Variants in GALNT13 observed in about 807,000 individuals in gnomAD.
GALNT13 encodes the protein UDP-GalNAc:polypeptide N-acetylgalactosaminyltransferase 13.
Under a neutral mutation model 64.2 loss-of-function variants are expected in GALNT13, and 28 were observed. The observed-to-expected ratio is 0.44, with a 90% confidence interval of 0.32 to 0.60. GALNT13 has a LOEUF of 0.60. GALNT13 is among the 20% of genes least tolerant of loss of function. The probability of loss-of-function intolerance (pLI) is 0.05; values close to 1 mark genes in which losing one functional copy is unlikely to be tolerated. For missense variants in GALNT13, 577 were observed against 669.8 expected (o/e 0.86, Z 1.53); for synonymous variants, 214 against 224.6 (o/e 0.95, Z 0.42).
chr2:153,888,127 T>C (rs1439244736), intron 1 of GALNT13, among the ~76,000 whole-genome samples: 1 of 152,002 alleles, frequency 6.6e-6, no homozygotes, highest in African/African-American at 2.4e-5. Context: ...AGCACTGGTA[T>C]TTTGTCATTT....
At chr2:154,355,354 C>T (rs916595103) in intron 9 of GALNT13, among the ~76,000 whole-genome samples, 19 of 152,038 alleles carry the variant, frequency 1.2e-4, no homozygotes, top group Non-Finnish European at 2.6e-4. Context: ...TATCTTTGAC[C>T]TACAAAAACA....
At chr2:153,180,021 C>G in the GALNT13 span, among the ~76,000 whole-genome samples, 2 of 152,024 alleles carry the variant, frequency 1.3e-5, no homozygotes, top group Admixed American at 1.3e-4. Flanking sequence ...CCTTTTATTT[C>G]TTTCTATTGC....
the GALNT13 span, among the ~76,000 whole-genome samples, chr2:153,468,530 C>A: frequency 6.6e-6 from 1 of 152,048 alleles, no homozygotes; most frequent in Admixed American, 6.6e-5. Flanking sequence ...TCATCACATT[C>A]TCCTTTGAAA....
At chr2:153,333,147 T>C in the GALNT13 span, among the ~76,000 whole-genome samples, 1 of 152,238 alleles carries the variant, frequency 6.6e-6, no homozygotes, top group Non-Finnish European at 1.5e-5. Flanking sequence ...AATGGCCGAC[T>C]GTATGCACCT....
At chr2:153,112,342 C>A in the GALNT13 span, among the ~76,000 whole-genome samples, 3 of 152,012 alleles carry the variant, frequency 2.0e-5, no homozygotes, top group Non-Finnish European at 4.4e-5. Flanking sequence ...GAGTGGGAGC[C>A]CTGTCTTGTC....
the GALNT13 span, among the ~76,000 whole-genome samples, chr2:153,169,165 C>A: frequency 6.6e-6 from 1 of 152,192 alleles, no homozygotes; most frequent in Non-Finnish European, 1.5e-5. Context: ...TTGTCACTGG[C>A]AGCCCTGCCT....
At chr2:154,449,367 T>C (rs900949753) in intron 12 of GALNT13, among the ~76,000 whole-genome samples, 2 of 150,654 alleles carry the variant, frequency 1.3e-5, no homozygotes, top group Non-Finnish European at 3.0e-5. Flanking sequence ...TCCTCTACCA[T>C]TTTTATGGCC....
the GALNT13 span, among the ~76,000 whole-genome samples, chr2:153,752,515 C>A: frequency 6.6e-6 from 1 of 152,018 alleles, no homozygotes; most frequent in Non-Finnish European, 1.5e-5. Flanking sequence ...ATATACAATT[C>A]TAGGGTAAAA....
chr2:153,842,623 C>T, the GALNT13 span, among the ~76,000 whole-genome samples: 63,032 of 151,634 alleles, frequency 0.42, 14,060 homozygotes, highest in Admixed American at 0.57. Flanking sequence ...TTAAACTATC[C>T]AGAACCTCAG....
At chr2:154,080,959 A>G (rs1701241722) in intron 3 of GALNT13, among the ~76,000 whole-genome samples, 1 of 151,542 alleles carries the variant, frequency 6.6e-6, no homozygotes, top group African/African-American at 2.4e-5. Flanking sequence ...TGTGTTTTTC[A>G]TGGCCTGTAG....
the GALNT13 span, among the ~76,000 whole-genome samples, chr2:153,789,595 A>T: frequency 6.6e-6 from 1 of 152,180 alleles, no homozygotes; most frequent in African/African-American, 2.4e-5. Flanking sequence ...CCCAAATCAG[A>T]GTTGAACTGA....
chr2:154,238,238 C>T (rs969859017), intron 4 of GALNT13, among the ~76,000 whole-genome samples: 1 of 151,952 alleles, frequency 6.6e-6, no homozygotes, highest in East Asian at 1.9e-4. Context: ...ATGTTTGTCC[C>T]TCATATGATA....
chr2:153,250,538 C>A, the GALNT13 span, among the ~76,000 whole-genome samples: 1 of 152,130 alleles, frequency 6.6e-6, no homozygotes, highest in Admixed American at 6.5e-5. Flanking sequence ...TGGGTATATA[C>A]CCATAGGATT....
intron 9 of GALNT13, among the ~76,000 whole-genome samples, chr2:154,308,164 T>C (rs1693843011): frequency 6.6e-6 from 1 of 151,936 alleles, no homozygotes; most frequent in African/African-American, 2.4e-5. Context: ...CTTGGAAAAA[T>C]ACATTATTTT....
chr2:154,239,403 T>G (rs1288096024), intron 4 of GALNT13, among the ~76,000 whole-genome samples: 1 of 152,146 alleles, frequency 6.6e-6, no homozygotes, highest in East Asian at 1.9e-4. Context: ...AGCCTGTTTT[T>G]CTAGTTGTAC....
the GALNT13 span, among the ~76,000 whole-genome samples, chr2:153,549,966 C>G: frequency 6.6e-6 from 1 of 152,136 alleles, no homozygotes; most frequent in African/African-American, 2.4e-5. Flanking sequence ...TTAATAAAAG[C>G]CTGACCTCTA....
chr2:153,810,926 A>C, the GALNT13 span, among the ~76,000 whole-genome samples: 3 of 152,158 alleles, frequency 2.0e-5, no homozygotes, highest in African/African-American at 7.2e-5. Flanking sequence ...GTGAGGTAAA[A>C]TAAAAAAGAA....
chr2:154,074,948 T>C (rs1196863609), intron 3 of GALNT13, among the ~76,000 whole-genome samples: 1 of 151,916 alleles, frequency 6.6e-6, no homozygotes, highest in Non-Finnish European at 1.5e-5. Context: ...AACATCATAC[T>C]GAATGGGCAA....
chr2:153,999,941 A>G (rs901134874), intron 3 of GALNT13, among the ~76,000 whole-genome samples: 10 of 151,960 alleles, frequency 6.6e-5, no homozygotes, highest in Admixed American at 2.0e-4. Flanking sequence ...TGAAGCCATT[A>G]GGTCCTGGGC....
Sources: gnomAD v4.1 joint callset for allele counts (sites outside exome capture counted in the v4.1 genomes callset) on GRCh38, gnomAD v4.1.1 for gene constraint, MANE v1.5 for transcripts, NCBI Gene and HGNC (gene_info 2026-07-23, HGNC 2026-07-21) for gene names.